COL1A1: variants seen among roughly 807,000 people sequenced by gnomAD.
The protein encoded by COL1A1 is collagen type I alpha 1 chain.
A neutral mutation model predicts 195.7 loss-of-function variants in COL1A1; 21 were observed. The ratio of observed to expected loss-of-function variants is 0.11; its 90% CI spans 0.08 to 0.15. COL1A1 has a LOEUF of 0.15. Ranked by LOEUF, COL1A1 falls within the 10% of genes least tolerant of loss-of-function variation. COL1A1 has a pLI of 1.00. For synonymous variants in COL1A1, 749 were observed against 747.3 expected (o/e 1.00, Z -0.04); for missense variants, 1,365 against 2,051.0 (o/e 0.67, Z 6.46).
At chr17:50,199,695 CCCAGCCCCAGG>C in intron 2 of COL1A1, 47 bp downstream of exon 2, 1 of 1,563,860 alleles carries the variant, frequency 6.4e-7, no homozygotes, top group Non-Finnish European at 8.6e-7. Flanking sequence ...CACCCCCAGC[CCCAGCCCCAGG>C]CCCCAGGCCC....
At chr17:50,201,147 C>G (rs1014572984) in intron 1 of COL1A1, among the ~76,000 whole-genome samples, 13 of 152,242 alleles carry the variant, frequency 8.5e-5, no homozygotes, top group Non-Finnish European at 1.6e-4. Context: ...TCCCCACTTC[C>G]CCGGTTGCGC....
chr17:50,196,101 G>A, intron 15 of COL1A1, 54 bp downstream of exon 15: 2 of 1,612,464 alleles, frequency 1.2e-6, no homozygotes, highest in Non-Finnish European at 1.7e-6. Context: ...CCCAAGAGCA[G>A]ATACTGAGAC....
rs774687433 is a variant in COL1A1 at position 50,189,921 on chromosome 17, G to A, written c.2560-9C>T. ...GGAGCACCAACATTACCCTGTAGGA[G>A]AGCACAGAGGCATCAAGCCTGGACC... On this transcript the variant is annotated splice_polypyrimidine_tract_variant and intron_variant, in intron 36 of 50. Coordinates refer to ENST00000225964, the MANE Select transcript of COL1A1 (RefSeq NM_000088.4). This position sits in a 1 kb window ranked among gnomAD's most constrained non-coding sequence, Gnocchi z 5.5. 4 of 1,611,980 alleles carry A rather than the reference G, an allele frequency of 2.5e-6. No individual in the cohort carries two copies. The South Asian group carries it at 3.3e-5, about 13-fold the overall frequency.
In COL1A1 at chr17:50,197,349, C is replaced by T. The variant is rs150193972; in HGVS notation, c.697-116G>A. 1.2e-4 allele frequency: 121 copies of T among 1,020,828 alleles called. No individual in the cohort carries two copies. In the African/African-American group the frequency reaches 1.8e-3, roughly 15 times the overall value. 63.2% of individuals were successfully genotyped at this position (1,020,828 alleles called of 1,614,324 possible). On this transcript the variant is annotated intron_variant, in intron 9 of 50. Coordinates refer to ENST00000225964, the MANE Select transcript of COL1A1 (RefSeq NM_000088.4). ...TTGTTGCAGGTCAGGTTTGGGGGCC[C>T]AGAATCTTATCTTTGAATCTAGAGC...
At chr17:50,200,078 A>C in intron 1 of COL1A1, 131 bp from the exon 2 acceptor site, 9 of 1,033,932 alleles carry the variant, frequency 8.7e-6, no homozygotes, top group East Asian at 2.5e-5. Flanking sequence ...CTTTCCTCAA[A>C]TCCTTAAAAG....
At chr17:50,193,484 C>CTTT (rs3062009) in intron 25 of COL1A1, 9,159 of 169,018 alleles carry the variant, frequency 0.054, 276 homozygotes, top group South Asian at 0.068. Flanking sequence ...TTTCTTTCTT[C>CTTT]TTTTTTTTTT....
Position 50,196,330 on chromosome 17 carries a change from C to G in COL1A1, c.941G>C (p.Gly314Ala). Residue 314 changes from glycine to alanine, a missense_variant, in exon 14 of 51, where the codon GGA (glycine) becomes GCA (alanine). Around this residue, in one of 5 missense-constraint regions of COL1A1, gnomAD observed 226 missense variants for 372.9 expected, o/e 0.61. Coordinates refer to ENST00000225964, the MANE Select transcript of COL1A1 (RefSeq NM_000088.4). Reference sequence around the variant, plus strand: ...AGTACTTACAGCAGGGCCAGGGGCTCCAGGGCGACCTCTCTCACCAGGCAG... The same window carrying G: ...AGTACTTACAGCAGGGCCAGGGGCTGCAGGGCGACCTCTCTCACCAGGCAG... ...RGLPGERGRP[G>A]APGPAGARGN... is the part of the protein sequence containing the mutation. 2 of 1,610,414 alleles carry G rather than the reference C, an allele frequency of 1.2e-6. No homozygotes were observed. Among genetic ancestry groups the G allele is most frequent in the Non-Finnish European group, 1.7e-6 (2 of 1,178,120 alleles).
Position 50,186,163 on chromosome 17 carries a change from G to T in COL1A1, c.4006-143C>A. ...GGCACCACCTGCCCATCGGCAGCCT[G>T]TGTCTGAACCACTATCAGGGACCTG... On this transcript the variant is annotated intron_variant, in intron 49 of 50. Transcript: ENST00000225964. The surrounding 1 kb of genome is among the most constrained non-coding windows in gnomAD (Gnocchi z 5.3). The T allele has an allele frequency of 6.6e-7, 1 of 1,511,960 alleles. No individual in the cohort carries two copies. The highest frequency in any genetic ancestry group is 9.0e-7 in the Non-Finnish European group (1 of 1,109,620). The allele number at this position is 1,511,960 out of a possible 1,614,324, so 93.7% of individuals were successfully genotyped here.
At position 50,195,788 on chromosome 17, in the gene COL1A1, C is replaced by T. The variant is rs538078289; in HGVS notation, c.1057-123G>A. The T allele has an allele frequency of 1.3e-5, 18 of 1,344,014 alleles. No homozygotes were observed. The East Asian group carries it at 2.5e-4, about 19-fold the overall frequency. The allele number at this position is 1,344,014 out of a possible 1,614,324, so 83.3% of individuals were successfully genotyped here. A position where few individuals can be genotyped will look rare whatever the true frequency, so the allele number is the denominator to read the frequency against. On this transcript the variant is annotated intron_variant, in intron 16 of 50. Transcript: ENST00000225964. This position sits in a 1 kb window ranked among gnomAD's most constrained non-coding sequence, Gnocchi z 4.3. ...ATGATCAGGACTCTAAGATCAGAGA[C>T]GGAGAACCCAGGACAAAGGTGTTAG... is the stretch of plus-strand genomic sequence containing the variant.
chr17:50,190,605 A>G lies in COL1A1; in HGVS notation c.2344-9T>C. 1 of 1,612,932 alleles carries G rather than the reference A, an allele frequency of 6.2e-7. No homozygotes were observed. The highest frequency in any genetic ancestry group is 1.1e-5 in the South Asian group (1 of 91,002). ...CTGGGACCACTTTCACCCTGAGAGC[A>G]AGGGACAAGAGGCTCAGGGTCAGGG... On this transcript the variant is annotated splice_polypyrimidine_tract_variant and intron_variant, in intron 33 of 50. Transcript: ENST00000225964. The surrounding 1 kb of genome is among the most constrained non-coding windows in gnomAD (Gnocchi z 4.7).
chr17:50,186,437 A>C lies in COL1A1; in HGVS notation c.3885T>G (p.Thr1295=), dbSNP rs757536774. The C allele has an allele frequency of 6.2e-7, 1 of 1,614,166 alleles. No individual in the cohort carries two copies. Among genetic ancestry groups the C allele is most frequent in the Non-Finnish European group, 8.5e-7 (1 of 1,180,030 alleles). ...DAIKVFCNME[T]GETCVYPTQP... The stretch of plus-strand genomic sequence containing the variant: ...GAGTGGGGTACACGCAGGTCTCACC[A>C]GTCTCCATGTTGCAGAAGACTTTGA... The change falls in exon 49 of 51, where the codon ACT becomes ACG. Residue 1295 remains threonine, a synonymous_variant. Transcript: ENST00000225964. The surrounding 1 kb of genome is among the most constrained non-coding windows in gnomAD (Gnocchi z 5.3).
Position 50,187,862 on chromosome 17 carries a change from C to A in COL1A1, c.3369+14G>T. The A allele has an allele frequency of 6.3e-7, 1 of 1,583,796 alleles. No individual in the cohort carries two copies. Among genetic ancestry groups the A allele is most frequent in the Non-Finnish European group, 8.6e-7 (1 of 1,162,820 alleles). ...GCACAGCATGGGGACTGGGGAGGGG[C>A]TGAGCATACTTACAGGAGGGCCAGG... On this transcript the variant is annotated intron_variant, in intron 45 of 50. Coordinates refer to ENST00000225964, the MANE Select transcript of COL1A1 (RefSeq NM_000088.4).
At position 50,190,281 on chromosome 17, in the gene COL1A1, C is replaced by T. The variant is rs752608907; in HGVS notation, c.2451+46G>A. Reference sequence around the variant, plus strand: ...GTCCTCATTCCGTCCCTCGAGGTCCCAGGTCCCAGTCGGTGATGAAAAATG... The same window carrying T: ...GTCCTCATTCCGTCCCTCGAGGTCCTAGGTCCCAGTCGGTGATGAAAAATG... On this transcript the variant is annotated intron_variant, in intron 35 of 50. Coordinates refer to ENST00000225964, the MANE Select transcript of COL1A1 (RefSeq NM_000088.4). The surrounding 1 kb of genome is among the most constrained non-coding windows in gnomAD (Gnocchi z 4.7). The T allele has an allele frequency of 6.9e-7, 1 of 1,454,994 alleles. No individual in the cohort carries two copies. The highest frequency in any genetic ancestry group is 2.3e-5 in the East Asian group (1 of 44,088). The allele number at this position is 1,454,994 out of a possible 1,614,324, so 90.1% of individuals were successfully genotyped here.
chr17:50,196,695 T>C lies in COL1A1; in HGVS notation c.805-25A>G, dbSNP rs747986734. 2.5e-6 allele frequency: 4 copies of C among 1,613,682 alleles called. No homozygotes were observed. In the African/African-American group the frequency reaches 4.0e-5, roughly 16 times the overall value. ...CCTAAAGCAGGAAAGAGGTAGAAGG[T>C]AAGAACCTGTGGAGGGGGTGGAACA... is the stretch of plus-strand genomic sequence containing the variant. On this transcript the variant is annotated intron_variant, in intron 11 of 50. Coordinates refer to ENST00000225964, the MANE Select transcript of COL1A1 (RefSeq NM_000088.4).
intron 1 of COL1A1, 60 bp downstream of exon 1, chr17:50,201,350 CG>C: frequency 6.6e-7 from 1 of 1,516,874 alleles, no homozygotes. Flanking sequence ...CCGCGGCCCC[CG>C]GGACCAAGCG....
intron 15 of COL1A1, 73 bp from the exon 16 acceptor site, chr17:50,196,049 G>T: frequency 6.2e-7 from 1 of 1,603,856 alleles, no homozygotes. Context: ...GACAGAGGAA[G>T]TCCTGGGGTT....
At position 50,195,500 on chromosome 17, in the gene COL1A1, G is replaced by T. The variant is rs758842227; in HGVS notation, c.1156-22C>A. ...TTCCCTGTGGCACAGAGAAAGGAGT[G>T]TCAGCAACAGGCAAGGACTCTGAGG... is the stretch of plus-strand genomic sequence containing the variant. On this transcript the variant is annotated intron_variant, in intron 17 of 50. Coordinates refer to ENST00000225964, the MANE Select transcript of COL1A1 (RefSeq NM_000088.4). This position sits in a 1 kb window ranked among gnomAD's most constrained non-coding sequence, Gnocchi z 4.3. 3 of 1,614,102 alleles carry T rather than the reference G, an allele frequency of 1.9e-6. No homozygotes were observed. The Admixed American group carries it at 5.0e-5, about 27-fold the overall frequency.
In COL1A1 at chr17:50,190,520, C is replaced by T. The variant is rs760447218; in HGVS notation, c.2397+23G>A. 8 of 1,612,622 alleles carry T rather than the reference C, an allele frequency of 5.0e-6. No individual in the cohort carries two copies. Among genetic ancestry groups the T allele is most frequent in the Non-Finnish European group, 6.8e-6 (8 of 1,179,234 alleles). On this transcript the variant is annotated intron_variant, in intron 34 of 50. Coordinates refer to ENST00000225964, the MANE Select transcript of COL1A1 (RefSeq NM_000088.4). The surrounding 1 kb of genome is among the most constrained non-coding windows in gnomAD (Gnocchi z 4.7). ...GGGAGGGAAGGGCCAAGTATGGGGT[C>T]TTAACAGGTCTTCTGTACTTACGGG...
Position 50,201,585 on chromosome 17 carries a change from A to C in COL1A1, c.-72T>G. On this transcript the variant is annotated 5_prime_UTR_variant, in exon 1 of 51. Coordinates refer to ENST00000225964, the MANE Select transcript of COL1A1 (RefSeq NM_000088.4). ...AGCGTCCGCTCATGCGTGGCCTCAC[A>C]CTCCGCGTGCCTCCTGCTCCGACCC... The C allele has an allele frequency of 7.3e-7, 1 of 1,374,854 alleles. No homozygotes were observed. Among genetic ancestry groups the C allele is most frequent in the South Asian group, 1.3e-5 (1 of 77,482 alleles). 85.2% of individuals were successfully genotyped at this position (1,374,854 alleles called of 1,614,324 possible).
Sources: allele counts gnomAD v4.1 joint callset (sites outside exome capture counted in the v4.1 genomes callset), GRCh38; gene constraint gnomAD v4.1.1; regional missense constraint gnomAD v4.1.1; non-coding constraint Gnocchi (gnomAD v3.1); transcripts MANE v1.5; gene names NCBI Gene and HGNC (gene_info 2026-07-23, HGNC 2026-07-21).